PCDHA13: variants seen among roughly 807,000 people sequenced by gnomAD.
The protein encoded by PCDHA13 is protocadherin alpha 13.
In PCDHA13, 54 loss-of-function variants were observed where a neutral mutation model predicts 64.8. The ratio of observed to expected loss-of-function variants is 0.83; its 90% CI spans 0.67 to 1.04. PCDHA13 has a LOEUF of 1.04. Among genes scored for constraint, PCDHA13 ranks in the 50% least tolerant of loss-of-function variants. The pLI, the probability that PCDHA13 is intolerant of heterozygous loss-of-function variation, is 0.00. For synonymous variants in PCDHA13, 587 were observed against 564.4 expected (o/e 1.04, Z -0.57); for missense variants, 1,248 against 1,254.3 (o/e 0.99, Z 0.08).
intron 3 of PCDHA13, among the ~76,000 whole-genome samples, chr5:140,991,311 G>A (rs1036350235): frequency 3.3e-5 from 5 of 152,108 alleles, no homozygotes; most frequent in Admixed American, 2.0e-4. Context: ...ATCTTGTCCC[G>A]CATGATACAT....
intron 1 of PCDHA13, among the ~76,000 whole-genome samples, chr5:140,972,955 C>T (rs1450892735): frequency 6.6e-6 from 1 of 152,080 alleles, no homozygotes; most frequent in African/African-American, 2.4e-5. Context: ...AGCCACCATG[C>T]CCGGCAAAGG....
Position 140,927,154 on chromosome 5 carries a change from A to C in PCDHA13, c.2394+42492A>C, listed in dbSNP as rs141284501. 8 of 1,614,050 alleles carry C rather than the reference A, an allele frequency of 5.0e-6. No individual in the cohort carries two copies. The African/African-American group carries it at 8.0e-5, about 16-fold the overall frequency. On this transcript the variant is annotated intron_variant, in intron 1 of 3. Transcript: ENST00000289272. ...GCCGGCGGACCGCGAACAGCTGTGC[A>C]GGGCCAAAGCTGCCTGCGTCTTGAC...
Position 140,882,897 on chromosome 5 carries a change from T to A in PCDHA13, c.629T>A (p.Leu210Ter). The A allele has an allele frequency of 6.2e-7, 1 of 1,614,220 alleles. No individual in the cohort carries two copies. Among genetic ancestry groups the A allele is most frequent in the South Asian group, 1.1e-5 (1 of 91,084 alleles). The part of the protein sequence containing the change: ...LDREEIQEHS[L>*]LLTASDGGKP... ...AGAGAGGAAATTCAGGAACATAGTT[T>A]ATTACTGACAGCCAGTGATGGAGGT... The change falls in exon 1 of 4, where the codon TTA becomes TAA. Residue 210 changes from leucine to a stop codon, truncating the protein, a stop_gained. Transcript: ENST00000289272. LOFTEE classifies it high-confidence loss of function.
At chr5:140,942,351 G>A (rs893015832) in intron 1 of PCDHA13, among the ~76,000 whole-genome samples, 1 of 152,024 alleles carries the variant, frequency 6.6e-6, no homozygotes, top group Admixed American at 6.6e-5. Flanking sequence ...GGCGGAGGTT[G>A]CAGTTAACGG....
At chr5:140,928,671 T>C in intron 1 of PCDHA13, 7 of 1,614,214 alleles carry the variant, frequency 4.3e-6, no homozygotes, top group Non-Finnish European at 5.9e-6. Context: ...GTGGTTCTAA[T>C]GCCTGGCTTT....
intron 1 of PCDHA13, among the ~76,000 whole-genome samples, chr5:140,975,809 TA>T (rs146252033): frequency 0.06 from 9,090 of 152,310 alleles, 381 homozygotes; most frequent in East Asian, 0.11. Context: ...TTTATAATTT[TA>T]ATAGGAACTG....
chr5:140,997,077 G>T (rs1201538953), intron 3 of PCDHA13, among the ~76,000 whole-genome samples: 3 of 152,062 alleles, frequency 2.0e-5, no homozygotes, highest in Admixed American at 2.0e-4. Flanking sequence ...CAGGAAAGTT[G>T]AGTAGAAAGT....
chr5:140,935,157 A>G (rs982054485), intron 1 of PCDHA13, among the ~76,000 whole-genome samples: 1 of 152,214 alleles, frequency 6.6e-6, no homozygotes, highest in Non-Finnish European at 1.5e-5. Context: ...TATAATCTCA[A>G]CAACAGGTGT....
chr5:140,907,623 G>A (rs553186767), intron 1 of PCDHA13, among the ~76,000 whole-genome samples: 3 of 152,234 alleles, frequency 2.0e-5, no homozygotes, highest in Non-Finnish European at 2.9e-5. Context: ...AGGGCTCAGT[G>A]TTGGTCTCTG....
chr5:141,010,025 A>G lies in PCDHA13; in HGVS notation c.*88A>G. The G allele has an allele frequency of 6.4e-7, 1 of 1,573,940 alleles. No homozygotes were observed. The highest frequency in any genetic ancestry group is 2.2e-5 in the East Asian group (1 of 44,636). ...TAGCAATTCCCTGCTCCTTTTTCCT[A>G]TCTACATGAGCCCTCTTAGAGACCT... On this transcript the variant is annotated 3_prime_UTR_variant, in exon 4 of 4. Transcript: ENST00000289272.
intron 3 of PCDHA13, among the ~76,000 whole-genome samples, chr5:141,004,282 G>T (rs1444607316): frequency 3.3e-5 from 5 of 152,190 alleles, no homozygotes; most frequent in African/African-American, 1.2e-4. Context: ...ACATGCTGCT[G>T]AGCTCTCAGA....
At chr5:141,008,723 C>G (rs1480694972) in intron 3 of PCDHA13, among the ~76,000 whole-genome samples, 1 of 152,110 alleles carries the variant, frequency 6.6e-6, no homozygotes, top group Non-Finnish European at 1.5e-5. Flanking sequence ...GAGTGTATGT[C>G]CAACTAGACT....
chr5:140,998,524 T>A (rs553357630), intron 3 of PCDHA13, among the ~76,000 whole-genome samples: 1 of 152,328 alleles, frequency 6.6e-6, no homozygotes, highest in East Asian at 1.9e-4. Flanking sequence ...TTATTCATAT[T>A]TATATCCCTA....
intron 1 of PCDHA13, 159 bp from the exon 2 acceptor site, chr5:140,978,790 T>C (rs2096823347): frequency 3.1e-6 from 3 of 975,976 alleles, no homozygotes; most frequent in Non-Finnish European, 3.7e-6. Flanking sequence ...TAAAGTGCTA[T>C]ATATGTAGAT....
At position 140,928,189 on chromosome 5, in the gene PCDHA13, G is replaced by GTGA. The variant is rs1321549982; in HGVS notation, c.2394+43529_2394+43530insATG. On this transcript the variant is annotated intron_variant, in intron 1 of 3. Transcript: ENST00000289272. The stretch of plus-strand genomic sequence containing the variant: ...ACTTAGCACCCGAAGGACAATCACT[G>GTGA]TGTCAGTTGCTGATGTGAATGACAA... 5 of 1,614,096 alleles carry GTGA rather than the reference G, an allele frequency of 3.1e-6. No homozygotes were observed. In the East Asian group the frequency reaches 8.9e-5, roughly 29 times the overall value.
chr5:140,938,973 G>A (rs112209995), intron 1 of PCDHA13, among the ~76,000 whole-genome samples: 3 of 152,224 alleles, frequency 2.0e-5, no homozygotes, highest in East Asian at 1.9e-4. Context: ...TTGGCATCAA[G>A]GCTATCCTGG....
At chr5:140,937,085 T>G (rs1386368270) in intron 1 of PCDHA13, among the ~76,000 whole-genome samples, 2 of 150,536 alleles carry the variant, frequency 1.3e-5, no homozygotes, top group African/African-American at 4.9e-5. Context: ...TCGCCCAGGC[T>G]GGAGTGCAGT....
rs868938085 is a variant in PCDHA13, at chr5:140,882,236, T to C, written c.-33T>C. On this transcript the variant is annotated 5_prime_UTR_variant, in exon 1 of 4. Coordinates refer to ENST00000289272, the MANE Select transcript of PCDHA13 (RefSeq NM_018904.3). ...AGTTTGAGGTAAGGCGTTGTATATA[T>C]TGCAGATAGCTCTGAGGTTTTTGGA... 7.6e-6 allele frequency: 12 copies of C among 1,581,516 alleles called. 1 individual carries two copies. The Middle Eastern group carries it at 1.0e-3, about 134-fold the overall frequency.
chr5:140,898,905 C>T (rs1313193763), intron 1 of PCDHA13, among the ~76,000 whole-genome samples: 5 of 152,060 alleles, frequency 3.3e-5, no homozygotes, highest in South Asian at 2.1e-4. Context: ...AGGTCCTTCA[C>T]GTCCCTTGTA....
Sources: allele counts gnomAD v4.1 joint callset (sites outside exome capture counted in the v4.1 genomes callset), GRCh38; gene constraint gnomAD v4.1.1; transcripts MANE v1.5; gene names NCBI Gene and HGNC (gene_info 2026-07-23, HGNC 2026-07-21).